The following ZNF28 variants were observed in gnomAD, a reference collection of about 807,000 sequenced individuals.
ZNF28 encodes zinc finger protein 28.
ZNF28 carries 5 observed loss-of-function variants against 7.2 expected under a neutral mutation model. That is an observed-to-expected ratio of 0.70 (90% CI 0.36 to 1.46). The LOEUF is 1.46. Among genes scored for constraint, ZNF28 ranks in the 40% most tolerant of loss-of-function variants. The probability of loss-of-function intolerance (pLI) is 0.03; values close to 1 mark genes in which losing one functional copy is unlikely to be tolerated. For missense variants in ZNF28, 879 were observed against 866.6 expected, an observed-to-expected ratio of 1.01 and a Z score of -0.18; for synonymous variants, 288 against 292.4, an observed-to-expected ratio of 0.99 and a Z score of 0.15.
intron 2 of ZNF28, among the ~76,000 whole-genome samples, chr19:52,816,392 C>T (rs1448662486): frequency 1.4e-5 from 2 of 145,826 alleles, no homozygotes; most frequent in Non-Finnish European, 3.0e-5. Context: ...AAGCCGGGCG[C>T]GGTGGCTCAA....
chr19:52,803,761 A>G (rs1400265339), intron 3 of ZNF28, among the ~76,000 whole-genome samples: 1 of 152,114 alleles, frequency 6.6e-6, no homozygotes, highest in Non-Finnish European at 1.5e-5. Context: ...GTTCGAGACC[A>G]GCCTGGGCAA....
At chr19:52,806,959 G>C (rs1464426978) in intron 3 of ZNF28, among the ~76,000 whole-genome samples, 3 of 152,164 alleles carry the variant, frequency 2.0e-5, no homozygotes, top group Non-Finnish European at 4.4e-5. Flanking sequence ...CGGGGGCAAA[G>C]AAAGATATCT....
chr19:52,821,088 G>A (rs1425146181), intron 1 of ZNF28, among the ~76,000 whole-genome samples: 1 of 152,114 alleles, frequency 6.6e-6, no homozygotes, highest in Admixed American at 6.5e-5. Flanking sequence ...GACTGCGGAG[G>A]GGAGATCTGG....
chr19:52,818,896 A>G (rs1197466053), intron 1 of ZNF28, among the ~76,000 whole-genome samples: 1 of 143,586 alleles, frequency 7.0e-6, no homozygotes, highest in African/African-American at 2.7e-5. Context: ...AAAAAAAAAA[A>G]AAAAAAAAGT....
intron 3 of ZNF28, chr19:52,805,643 AAAATAAAT>A (rs111357503): frequency 1.4e-5 from 2 of 140,302 alleles, no homozygotes; most frequent in African/African-American, 5.3e-5. Flanking sequence ...AATAATAATA[AAAATAAAT>A]AAATAAATAA....
intron 3 of ZNF28, chr19:52,805,168 G>C (rs946070900): frequency 7.9e-5 from 12 of 152,088 alleles, no homozygotes; most frequent in Admixed American, 7.9e-4. Flanking sequence ...TACTTGGAAG[G>C]CTGAGGCAGG....
chr19:52,810,371 T>C (rs557557764), intron 2 of ZNF28: 2 of 1,605,024 alleles, frequency 1.2e-6, no homozygotes, highest in East Asian at 4.5e-5. Context: ...CTCACTTTCA[T>C]GGCTGTGGTT....
intron 3 of ZNF28, among the ~76,000 whole-genome samples, chr19:52,806,539 AT>A (rs2062939055): frequency 6.8e-6 from 1 of 147,812 alleles, no homozygotes; most frequent in African/African-American, 2.6e-5. Flanking sequence ...TAACTTTAAT[AT>A]GTTTAACATA....
chr19:52,810,456 A>G (rs1382942614), intron 2 of ZNF28: 1 of 1,593,222 alleles, frequency 6.3e-7, no homozygotes, highest in East Asian at 2.2e-5. Flanking sequence ...AGAGTTCTCA[A>G]AGAGTCAGTG....
At position 52,800,218 on chromosome 19, in the gene ZNF28, T is replaced by C. The variant is rs758347452; in HGVS notation, c.1627A>G (p.Lys543Glu). The C allele has an allele frequency of 3.7e-6, 6 of 1,613,628 alleles. No homozygotes were observed. The East Asian group carries it at 1.3e-4, about 36-fold the overall frequency. ...STKANLACHH[K>E]LHTAEKPYKC... ...TACGGTTTCTCTGCAGTATGAAGTT[T>C]ATGATGACATGCAAGGTTTGCTTTT... is the stretch of plus-strand genomic sequence containing the variant. The change falls in exon 4 of 4, where the codon AAA becomes GAA. Residue 543 changes from lysine to glutamate, a missense_variant. Physicochemically the swap from Lys to Glu is moderately conservative, Grantham distance 56. Around this residue, in one of 2 missense-constraint regions of ZNF28, gnomAD observed 864 missense variants for 830.2 expected, o/e 1.04. Transcript: ENST00000457749.
At chr19:52,807,619 T>C (rs1181322450) in intron 3 of ZNF28, among the ~76,000 whole-genome samples, 1 of 152,172 alleles carries the variant, frequency 6.6e-6, no homozygotes, top group African/African-American at 2.4e-5. Context: ...GGATTACACA[T>C]ATGCATCACC....
chr19:52,819,398 C>T (rs1311732248), intron 1 of ZNF28, among the ~76,000 whole-genome samples: 2 of 135,616 alleles, frequency 1.5e-5, no homozygotes, highest in East Asian at 2.1e-4. Flanking sequence ...CATTCTATTG[C>T]TTTTTTTTTT....
At chr19:52,817,769 C>A (rs1168292901) in intron 2 of ZNF28, among the ~76,000 whole-genome samples, 175 bp downstream of exon 2, 1 of 152,138 alleles carries the variant, frequency 6.6e-6, no homozygotes, top group Non-Finnish European at 1.5e-5. Flanking sequence ...GTTCATGTCA[C>A]TGGGTCACCA....
intron 2 of ZNF28, among the ~76,000 whole-genome samples, chr19:52,811,328 G>A (rs1291523033): frequency 6.7e-6 from 1 of 149,686 alleles, no homozygotes; most frequent in African/African-American, 2.5e-5. Context: ...TCTGGGAAGT[G>A]AGGAGCGACT....
Position 52,801,022 on chromosome 19 carries a change from C to T in ZNF28, c.823G>A (p.Glu275Lys). 3 of 1,614,170 alleles carry T rather than the reference C, an allele frequency of 1.9e-6. No individual in the cohort carries two copies. In the South Asian group the frequency reaches 3.3e-5, roughly 18 times the overall value. Residue 275 changes from glutamate (E) to lysine (K), a missense_variant, in exon 4 of 4, where the codon GAG becomes AAG. By Grantham distance (56) the Glu-to-Lys change is moderately conservative. This residue lies in a region of ZNF28 where 864 missense variants were observed against 830.2 expected (regional missense o/e 1.04). Coordinates refer to ENST00000457749, the MANE Select transcript of ZNF28 (RefSeq NM_006969.5). Reference sequence around the variant, plus strand: ...TTGTGACCAAAGATCTTGCCACACTCATTACACTTGTAAGGTTTCTCATCA... The same window carrying T: ...TTGTGACCAAAGATCTTGCCACACTTATTACACTTGTAAGGTTTCTCATCA... ...HIDEKPYKCN[E>K]CGKIFGHNTS...
At chr19:52,802,632 G>T (rs186823874) in intron 3 of ZNF28, among the ~76,000 whole-genome samples, 21 of 149,740 alleles carry the variant, frequency 1.4e-4, no homozygotes, top group Admixed American at 1.4e-3. Context: ...AGTTGAGATC[G>T]CACCACTGCA....
intron 3 of ZNF28, among the ~76,000 whole-genome samples, chr19:52,804,596 C>T (rs1388842451): frequency 2.6e-5 from 4 of 152,180 alleles, no homozygotes; most frequent in Non-Finnish European, 5.9e-5. Flanking sequence ...GTCTCAAACT[C>T]GTGACCTCAA....
intron 2 of ZNF28, among the ~76,000 whole-genome samples, chr19:52,813,133 T>C (rs992500085): frequency 2.6e-5 from 4 of 151,612 alleles, no homozygotes; most frequent in African/African-American, 7.3e-5. Context: ...TACTTTTGCA[T>C]GTATTTAAAA....
At chr19:52,803,763 C>A (rs2062902553) in intron 3 of ZNF28, among the ~76,000 whole-genome samples, 1 of 151,986 alleles carries the variant, frequency 6.6e-6, no homozygotes, top group African/African-American at 2.4e-5. Flanking sequence ...TCGAGACCAG[C>A]CTGGGCAACA....
Sources: allele counts gnomAD v4.1 joint callset (sites outside exome capture counted in the v4.1 genomes callset), GRCh38; gene constraint gnomAD v4.1.1; regional missense constraint gnomAD v4.1.1; transcripts MANE v1.5; gene names NCBI Gene and HGNC (gene_info 2026-07-23, HGNC 2026-07-21).